The following ADPGK variants were observed in gnomAD, a reference collection of about 807,000 sequenced individuals.
The protein encoded by ADPGK is ADP-dependent glucokinase.
A neutral mutation model predicts 42.4 loss-of-function variants in ADPGK; 26 were observed. The observed-to-expected ratio is 0.61, with a 90% CI of 0.45 to 0.85. The LOEUF (loss-of-function observed/expected upper bound fraction) is 0.85, where lower values mean the gene tolerates loss of function less well. Ranked by LOEUF, ADPGK falls within the 40% of genes least tolerant of loss-of-function variation. The pLI is 0.00. For missense variants in ADPGK, 571 were observed against 627.0 expected, an observed-to-expected ratio of 0.91 and a Z score of 0.95; for synonymous variants, 267 against 252.6, an observed-to-expected ratio of 1.06 and a Z score of -0.54.
At chr15:72,766,612 C>T (rs2066263539) in intron 3 of ADPGK, among the ~76,000 whole-genome samples, 1 of 152,136 alleles carries the variant, frequency 6.6e-6, no homozygotes, top group South Asian at 2.1e-4. Context: ...ACGGTGTAAA[C>T]ATACCTTTTA....
intron 1 of ADPGK, among the ~76,000 whole-genome samples, chr15:72,778,129 G>A (rs1413277548): frequency 6.6e-6 from 1 of 151,750 alleles, no homozygotes; most frequent in Non-Finnish European, 1.5e-5. Flanking sequence ...CACACCTGTA[G>A]CCCCAGCTAC....
intron 3 of ADPGK, among the ~76,000 whole-genome samples, chr15:72,763,248 T>A (rs376987597): frequency 4.6e-5 from 7 of 151,980 alleles, no homozygotes; most frequent in East Asian, 1.9e-4. Context: ...ACCTCCTGCG[T>A]TTAAGTGATT....
At chr15:72,765,216 T>G (rs2066244163) in intron 3 of ADPGK, among the ~76,000 whole-genome samples, 1 of 152,194 alleles carries the variant, frequency 6.6e-6, no homozygotes, top group Admixed American at 6.5e-5. Flanking sequence ...TGGCACGATC[T>G]CAGCCCACTG....
At position 72,780,363 on chromosome 15, in the gene ADPGK, CAGG is replaced by C. The variant is rs112612443; in HGVS notation, c.233+3093_233+3095del. Among the ~76,000 whole-genome samples the C allele has an allele frequency of 2.7e-3, 407 of 152,286 alleles. 4 individuals are homozygous for C. The highest frequency in any genetic ancestry group is 9.3e-3 in the African/African-American group (385 of 41,554). On this transcript the variant is annotated intron_variant, in intron 1 of 6. Coordinates refer to ENST00000456471, the MANE Select transcript of ADPGK (RefSeq NM_001365225.1). ...GATCTCATGAGAACGAACTCACTATCAGGAGAACAGAATGGGGGAACCGCCCCC... is the reference window on the plus strand; with the variant it reads ...GATCTCATGAGAACGAACTCACTATCAGAACAGAATGGGGGAACCGCCCCC...
At chr15:72,783,143 G>C in intron 1 of ADPGK, 1 of 1,002,492 alleles carries the variant, frequency 1.0e-6, no homozygotes, top group Non-Finnish European at 1.2e-6. Context: ...CAAAACAACA[G>C]TCGCCAGAAG....
At chr15:72,759,543 T>C (rs914515022) in intron 4 of ADPGK, among the ~76,000 whole-genome samples, 6 of 152,320 alleles carry the variant, frequency 3.9e-5, no homozygotes, top group Admixed American at 2.0e-4. Flanking sequence ...AGAAATAACA[T>C]AGTTCATATC....
chr15:72,783,405 G>A, intron 1 of ADPGK, 54 bp downstream of exon 1: 3 of 1,313,722 alleles, frequency 2.3e-6, no homozygotes, highest in Non-Finnish European at 1.9e-6. Context: ...GGCTCCGCCC[G>A]ACCTCCAAGG....
chr15:72,760,604 T>G, intron 3 of ADPGK, 77 bp from the exon 4 acceptor site: 1 of 1,457,796 alleles, frequency 6.9e-7, no homozygotes, highest in Non-Finnish European at 9.1e-7. Flanking sequence ...CCCAGGACAG[T>G]ACATTCAGGC....
intron 3 of ADPGK, among the ~76,000 whole-genome samples, chr15:72,771,105 T>C (rs543016822): frequency 4.6e-5 from 7 of 152,244 alleles, no homozygotes; most frequent in South Asian, 4.1e-4. Flanking sequence ...TTAATCATTA[T>C]ACAGGAAAAC....
Position 72,752,174 on chromosome 15 carries a change from C to T in ADPGK, c.*167G>A, listed in dbSNP as rs2066053248. ...AAAATCCAGTCTCATTAGCTAAATT[C>T]GGATTAAAATCTGAAATGTTTTTAT... On this transcript the variant is annotated 3_prime_UTR_variant, in exon 7 of 7. Transcript: ENST00000456471. The T allele has an allele frequency of 1.4e-6, 1 of 732,464 alleles. No homozygotes were observed. The highest frequency in any genetic ancestry group is 2.1e-6 in the Non-Finnish European group (1 of 466,958). The allele number at this position is 732,464 out of a possible 1,614,324, so 45.4% of individuals were successfully genotyped here. A position where few individuals can be genotyped will look rare whatever the true frequency, so the allele number is the denominator to read the frequency against.
chr15:72,759,805 C>T (rs1372106797), intron 4 of ADPGK, among the ~76,000 whole-genome samples: 1 of 152,136 alleles, frequency 6.6e-6, no homozygotes, highest in Non-Finnish European at 1.5e-5. Flanking sequence ...AAACCAGATG[C>T]CTAATCTACG....
intron 1 of ADPGK, among the ~76,000 whole-genome samples, chr15:72,779,253 T>TG (rs1393894543): frequency 1.3e-5 from 2 of 148,692 alleles, no homozygotes; most frequent in Non-Finnish European, 3.0e-5. Flanking sequence ...GGTTTTTTTT[T>TG]TTTTTTTTTT....
chr15:72,760,328 TC>T, intron 4 of ADPGK, 78 bp downstream of exon 4: 2 of 1,437,168 alleles, frequency 1.4e-6, no homozygotes, highest in Non-Finnish European at 1.9e-6. Context: ...AAGATAAATT[TC>T]CGGCACAGTC....
At position 72,782,216 on chromosome 15, in the gene ADPGK, T is replaced by C. The variant is rs757053130; in HGVS notation, c.233+1243A>G. 5.9e-5 allele frequency among the ~76,000 whole-genome samples: 9 copies of C among 152,252 alleles called. No individual in the cohort carries two copies. In the South Asian group the frequency reaches 6.2e-4, roughly 11 times the overall value. ...TGACACTAACCATGTAGTTGGTGAA[T>C]ATCTGCTGAATGAACGCGCATAAAG... On this transcript the variant is annotated intron_variant, in intron 1 of 6. Coordinates refer to ENST00000456471, the MANE Select transcript of ADPGK (RefSeq NM_001365225.1).
At chr15:72,766,039 G>C (rs2066254090) in intron 3 of ADPGK, among the ~76,000 whole-genome samples, 2 of 152,144 alleles carry the variant, frequency 1.3e-5, no homozygotes, top group Non-Finnish European at 2.9e-5. Flanking sequence ...CTAGAGTGCA[G>C]TGGCACAATC....
chr15:72,778,916 T>C (rs1011763451), intron 1 of ADPGK, among the ~76,000 whole-genome samples: 6 of 152,182 alleles, frequency 3.9e-5, no homozygotes, highest in Non-Finnish European at 7.3e-5. Context: ...CATTTTCAGA[T>C]AGATTAAACC....
In ADPGK at chr15:72,756,437, C is replaced by T; in HGVS notation, c.654G>A (p.Trp218Ter). 1 of 1,614,090 alleles carries T rather than the reference C, an allele frequency of 6.2e-7. No individual in the cohort carries two copies. Among genetic ancestry groups the T allele is most frequent in the East Asian group, 2.2e-5 (1 of 44,874 alleles). The change falls in exon 5 of 7, where the codon TGG becomes TGA. Residue 218 changes from tryptophan (W) to a stop codon, truncating the protein, a stop_gained. Coordinates refer to ENST00000456471, the MANE Select transcript of ADPGK (RefSeq NM_001365225.1). LOFTEE classifies it high-confidence loss of function. The part of the protein sequence containing the change: ...LILEYQAGEE[W>*]GQLKAPHANR... Reference sequence around the variant, plus strand: ...TGGCATGGGGAGCTTTTAACTGGCCCCACTCCTCCCCTGGAAAAACCCAGT... The same window carrying T: ...TGGCATGGGGAGCTTTTAACTGGCCTCACTCCTCCCCTGGAAAAACCCAGT...
rs1566961969 is a variant in ADPGK, at chr15:72,774,863, C to T, written c.459+9G>A. 4.4e-6 allele frequency: 7 copies of T among 1,603,596 alleles called. No individual in the cohort carries two copies. The highest frequency in any genetic ancestry group is 6.0e-6 in the Non-Finnish European group (7 of 1,171,666). On this transcript the variant is annotated intron_variant, in intron 2 of 6. Coordinates refer to ENST00000456471, the MANE Select transcript of ADPGK (RefSeq NM_001365225.1). ...CACCCTTAATTTACTATTGCTGAAC[C>T]AAACAGACCTGGGCTCCTGGGAACT...
intron 4 of ADPGK, chr15:72,758,705 A>G (rs935567689): frequency 6.4e-6 from 1 of 157,100 alleles, no homozygotes; most frequent in Non-Finnish European, 1.4e-5. Flanking sequence ...CCTTAACTAC[A>G]TACGAGGCAC....
Sources: allele counts gnomAD v4.1 joint callset (sites outside exome capture counted in the v4.1 genomes callset), GRCh38; gene constraint gnomAD v4.1.1; transcripts MANE v1.5; gene names NCBI Gene and HGNC (gene_info 2026-07-23, HGNC 2026-07-21).